Variants in LIN28B observed in about 807,000 individuals in gnomAD.
LIN28B encodes the protein lin-28 RNA binding posttranscriptional regulator B.
A neutral mutation model predicts 21.9 loss-of-function variants in LIN28B; 5 were observed. The observed-to-expected ratio is 0.23, with a 90% CI of 0.12 to 0.48. The LOEUF is 0.48. Among genes scored for constraint, LIN28B ranks in the 20% least tolerant of loss-of-function variants. The probability of loss-of-function intolerance (pLI) is 0.98; values close to 1 mark genes in which losing one functional copy is unlikely to be tolerated. For synonymous variants in LIN28B, 109 were observed against 111.3 expected, an observed-to-expected ratio of 0.98 and a Z score of 0.13; for missense variants, 245 against 310.5, an observed-to-expected ratio of 0.79 and a Z score of 1.58.
At chr6:105,028,274 G>A (rs545159067) in intron 3 of LIN28B, among the ~76,000 whole-genome samples, 2 of 152,198 alleles carry the variant, frequency 1.3e-5, no homozygotes, top group South Asian at 4.1e-4. Flanking sequence ...ACCATTTTAA[G>A]GACTTTGATT....
intron 2 of LIN28B, among the ~76,000 whole-genome samples, chr6:104,944,230 T>A (rs1387231722): frequency 6.6e-6 from 1 of 152,162 alleles, no homozygotes; most frequent in Non-Finnish European, 1.5e-5. Flanking sequence ...AACATTGATT[T>A]TGAATAATGT....
At chr6:104,945,468 G>A (rs1272857774) in intron 2 of LIN28B, among the ~76,000 whole-genome samples, 1 of 151,904 alleles carries the variant, frequency 6.6e-6, no homozygotes, top group Non-Finnish European at 1.5e-5. Context: ...TGTTATTATT[G>A]TAATTAAAAG....
intron 2 of LIN28B, among the ~76,000 whole-genome samples, chr6:104,996,097 T>C (rs1479831156): frequency 6.6e-6 from 1 of 152,072 alleles, no homozygotes; most frequent in African/African-American, 2.4e-5. Context: ...AGCATCTCAA[T>C]AAGAGGGCGT....
At chr6:105,037,477 TCTCCTCCCC>T (rs1232780516) in intron 3 of LIN28B, among the ~76,000 whole-genome samples, 22 of 112,738 alleles carry the variant, frequency 2.0e-4, no homozygotes, top group African/African-American at 5.7e-4. Context: ...TCTCCTCCCC[TCTCCTCCCC>T]CTCCTCCCCC....
chr6:104,996,539 A>C (rs1770609046), intron 2 of LIN28B, among the ~76,000 whole-genome samples: 1 of 152,208 alleles, frequency 6.6e-6, no homozygotes, highest in African/African-American at 2.4e-5. Context: ...AAAGGCTTAG[A>C]GGCAGAGACA....
chr6:104,986,453 C>A (rs956441274), intron 2 of LIN28B, among the ~76,000 whole-genome samples: 1 of 151,130 alleles, frequency 6.6e-6, no homozygotes, highest in Non-Finnish European at 1.5e-5. Flanking sequence ...GTTCTCCAAT[C>A]TCATTTTTTT....
At chr6:105,001,834 G>T (rs79975589) in intron 2 of LIN28B, among the ~76,000 whole-genome samples, 1 of 152,128 alleles carries the variant, frequency 6.6e-6, no homozygotes, top group Non-Finnish European at 1.5e-5. Context: ...AAAAAAACTC[G>T]ATCTCTAGCT....
rs9391258 is a variant in LIN28B at position 104,990,340 on chromosome 6, A to G, written c.198+32054A>G. On this transcript the variant is annotated intron_variant, in intron 2 of 3. Coordinates refer to ENST00000345080, the MANE Select transcript of LIN28B (RefSeq NM_001004317.4). Reference sequence around the variant, plus strand: ...AGGTTAAGCTAGTTAGTCATATTCAAATCTATATCCTTACTGATTTTTTTG... The same window carrying G: ...AGGTTAAGCTAGTTAGTCATATTCAGATCTATATCCTTACTGATTTTTTTG... Among the ~76,000 whole-genome samples, 244 of 151,944 alleles carry G rather than the reference A, an allele frequency of 1.6e-3. 8 individuals are homozygous for G. The East Asian group carries it at 0.045, about 28-fold the overall frequency.
intron 2 of LIN28B, among the ~76,000 whole-genome samples, chr6:105,002,542 A>G (rs1770739832): frequency 2.0e-5 from 3 of 152,322 alleles, no homozygotes; most frequent in East Asian, 3.9e-4. Context: ...TTGACTCCAC[A>G]GTTGCAAGAA....
chr6:104,974,036 A>G (rs1002862764), intron 2 of LIN28B, among the ~76,000 whole-genome samples: 2 of 152,226 alleles, frequency 1.3e-5, no homozygotes, highest in East Asian at 1.9e-4. Context: ...TGTTTCTAGC[A>G]TATTTTTACC....
chr6:105,068,131 G>A (rs1413037953), intron 3 of LIN28B, among the ~76,000 whole-genome samples: 1 of 152,172 alleles, frequency 6.6e-6, no homozygotes, highest in Non-Finnish European at 1.5e-5. Context: ...GCATTAATCA[G>A]AGAAAGTGTC....
intron 1 of LIN28B, 100 bp from the exon 2 acceptor site, chr6:104,957,999 C>A: frequency 1.3e-6 from 1 of 795,980 alleles, no homozygotes; most frequent in East Asian, 3.0e-5. Flanking sequence ...TTTCTGTTAC[C>A]CTTCCCCCCC....
intron 3 of LIN28B, among the ~76,000 whole-genome samples, chr6:105,041,307 C>T (rs995780798): frequency 6.6e-6 from 1 of 151,988 alleles, no homozygotes; most frequent in Non-Finnish European, 1.5e-5. Flanking sequence ...AAATAATTAC[C>T]TTTTATCTAC....
chr6:104,999,295 A>G (rs1300193790), intron 2 of LIN28B, among the ~76,000 whole-genome samples: 1 of 152,016 alleles, frequency 6.6e-6, no homozygotes, highest in Non-Finnish European at 1.5e-5. Context: ...CTTTGACACC[A>G]CTTCCAACTG....
intron 2 of LIN28B, among the ~76,000 whole-genome samples, chr6:104,988,721 G>A (rs1438698393): frequency 6.6e-6 from 1 of 151,982 alleles, no homozygotes; most frequent in African/African-American, 2.4e-5. Flanking sequence ...GAGCTTACAG[G>A]TGCTGCCACC....
chr6:104,993,710 C>T (rs1337642591), intron 2 of LIN28B, among the ~76,000 whole-genome samples: 1 of 151,658 alleles, frequency 6.6e-6, no homozygotes, highest in East Asian at 2.0e-4. Context: ...TGGCATGCAT[C>T]TGTAGTCCCA....
At chr6:105,068,290 T>C (rs1162315716) in intron 3 of LIN28B, among the ~76,000 whole-genome samples, 2 of 152,220 alleles carry the variant, frequency 1.3e-5, no homozygotes, top group African/African-American at 4.8e-5. Flanking sequence ...TAGATATTCT[T>C]CAATTTTTTT....
At chr6:104,956,398 C>A (rs1385896563), upstream of LIN28B, among the ~76,000 whole-genome samples, 1 of 152,170 alleles carries the variant, frequency 6.6e-6, no homozygotes, top group East Asian at 1.9e-4. Flanking sequence ...AAGTACAATT[C>A]CTTACCAACC....
chr6:104,990,494 G>A (rs1480180973), intron 2 of LIN28B, among the ~76,000 whole-genome samples: 2 of 150,680 alleles, frequency 1.3e-5, no homozygotes, highest in East Asian at 2.0e-4. Flanking sequence ...TATGTTTAGT[G>A]TGCCTCTTGT....
Sources: allele counts gnomAD v4.1 joint callset (sites outside exome capture counted in the v4.1 genomes callset), GRCh38; gene constraint gnomAD v4.1.1; transcripts MANE v1.5; gene names NCBI Gene and HGNC (gene_info 2026-07-23, HGNC 2026-07-21).